GIT2: variants seen among roughly 807,000 people sequenced by gnomAD.
GIT2 encodes GIT ArfGAP 2, also known as ARF GTPase-activating protein GIT2.
A neutral mutation model predicts 100.3 loss-of-function variants in GIT2; 32 were observed. That is an observed-to-expected ratio of 0.32 (90% CI 0.24 to 0.43). The LOEUF is 0.43. GIT2 is among the 20% of genes least tolerant of loss of function. The pLI, the probability that GIT2 is intolerant of heterozygous loss-of-function variation, is 1.00. For missense variants in GIT2, 737 were observed against 975.1 expected, an observed-to-expected ratio of 0.76 and a Z score of 3.25; for synonymous variants, 353 against 364.1, an observed-to-expected ratio of 0.97 and a Z score of 0.35.
Position 109,934,073 on chromosome 12 carries a change from G to A in GIT2, c.2016C>T (p.Cys672=). 1 of 1,562,100 alleles carries A rather than the reference G, an allele frequency of 6.4e-7. No homozygotes were observed. Among genetic ancestry groups the A allele is most frequent in the Non-Finnish European group, 8.8e-7 (1 of 1,132,618 alleles). The change falls in exon 19 of 20, where the codon TGC becomes TGT. Residue 672 remains cysteine (C), a synonymous_variant. Transcript: ENST00000355312. The surrounding 1 kb of genome is among the most constrained non-coding windows in gnomAD (Gnocchi z 4.5). ...TAACAGCTACGTGTATCCTCTCTGA[G>A]CAGGGAATATAACTGCAAGAATATT... is the stretch of plus-strand genomic sequence containing the variant. ...QENKHDSYIP[C]SERIHVAVTE...
At chr12:109,955,658 G>A (rs796666231) in intron 12 of GIT2, among the ~76,000 whole-genome samples, 1 of 152,140 alleles carries the variant, frequency 6.6e-6, no homozygotes, top group Non-Finnish European at 1.5e-5. Context: ...GCACATCACA[G>A]CCTTCTTGCA....
intron 1 of GIT2, chr12:109,995,958 G>C: frequency 4.3e-6 from 2 of 469,134 alleles, no homozygotes; most frequent in East Asian, 3.6e-5. Context: ...GGGAGGGAAC[G>C]AGAGGGAAGG....
chr12:109,996,427 G>A (rs987051028), upstream of GIT2: 3 of 525,042 alleles, frequency 5.7e-6, no homozygotes, highest in Non-Finnish European at 3.4e-6. Flanking sequence ...ACCGGAAAGG[G>A]CACTCTGCCT....
At chr12:109,963,762 C>T (rs534946811) in intron 9 of GIT2, among the ~76,000 whole-genome samples, 63 of 152,248 alleles carry the variant, frequency 4.1e-4, no homozygotes, top group African/African-American at 1.5e-3. Context: ...ACTGACCTGG[C>T]GCTGATAAGA....
At chr12:109,941,144 C>T (rs1475057192) in intron 16 of GIT2, among the ~76,000 whole-genome samples, 1 of 152,152 alleles carries the variant, frequency 6.6e-6, no homozygotes, top group Non-Finnish European at 1.5e-5. Context: ...GTTTAGTTCC[C>T]AGCTGCTCAA....
chr12:109,934,589 C>A lies in GIT2; in HGVS notation c.2004-504G>T, dbSNP rs1407275498. 6.6e-6 allele frequency among the ~76,000 whole-genome samples: 1 copy of A among 152,136 alleles called. No homozygotes were observed. Among genetic ancestry groups the A allele is most frequent in the Admixed American group, 6.5e-5 (1 of 15,270 alleles). ...TGTAGAGGAGTCCCACTATGTCGCC[C>A]AGCCTTGTGTTGAACTCCTGGATTC... On this transcript the variant is annotated intron_variant, in intron 18 of 19. Transcript: ENST00000355312. This position sits in a 1 kb window ranked among gnomAD's most constrained non-coding sequence, Gnocchi z 4.5.
At chr12:109,939,545 A>AT (rs1386724742) in intron 16 of GIT2, 1 of 234,556 alleles carries the variant, frequency 4.3e-6, no homozygotes, top group Non-Finnish European at 8.5e-6. Context: ...AATTTATAAC[A>AT]TAATGAGATG....
At chr12:109,964,675 A>G (rs896125706) in intron 9 of GIT2, among the ~76,000 whole-genome samples, 1 of 146,798 alleles carries the variant, frequency 6.8e-6, no homozygotes, top group Non-Finnish European at 1.5e-5. Flanking sequence ...ACACACACAC[A>G]CGGAACCAGA....
At chr12:109,972,183 T>A (rs1884052798) in intron 7 of GIT2, among the ~76,000 whole-genome samples, 1 of 152,188 alleles carries the variant, frequency 6.6e-6, no homozygotes, top group African/African-American at 2.4e-5. Context: ...GCCTTTTATT[T>A]ATTTTTCTTG....
At chr12:109,943,712 G>A (rs1313212467) in intron 16 of GIT2, among the ~76,000 whole-genome samples, 1 of 148,798 alleles carries the variant, frequency 6.7e-6, no homozygotes, top group Non-Finnish European at 1.5e-5. Flanking sequence ...TTTGAGACAG[G>A]GCCTCACTGT....
intron 7 of GIT2, among the ~76,000 whole-genome samples, chr12:109,972,851 C>T (rs1884226567): frequency 6.6e-6 from 1 of 152,080 alleles, no homozygotes; most frequent in Non-Finnish European, 1.5e-5. Flanking sequence ...GAGACAGGGT[C>T]TCACTCTGTC....
At chr12:109,970,779 G>A (rs1039828678) in intron 7 of GIT2, among the ~76,000 whole-genome samples, 1 of 152,050 alleles carries the variant, frequency 6.6e-6, no homozygotes, top group South Asian at 2.1e-4. Context: ...CCTTCCATTT[G>A]AATTTTTAAA....
chr12:109,960,361 C>G (rs190447681), intron 11 of GIT2, among the ~76,000 whole-genome samples: 1 of 152,148 alleles, frequency 6.6e-6, no homozygotes, highest in African/African-American at 2.4e-5. Context: ...CAGTGGCTCA[C>G]GCCTGTAATC....
At chr12:109,936,799 G>A (rs1297252169) in intron 18 of GIT2, among the ~76,000 whole-genome samples, 2 of 151,928 alleles carry the variant, frequency 1.3e-5, no homozygotes, top group Non-Finnish European at 2.9e-5. Context: ...GAGCCAAGGA[G>A]GCGGAAGTTG....
In GIT2 at chr12:109,991,608, G is replaced by C. The variant is rs1190396120; in HGVS notation, c.186+19C>G. 2 of 1,598,826 alleles carry C rather than the reference G, an allele frequency of 1.3e-6. No individual in the cohort carries two copies. The highest frequency in any genetic ancestry group is 1.7e-6 in the Non-Finnish European group (2 of 1,168,692). Reference sequence around the variant, plus strand: ...TAAAATGTAAATTACCAACTGTCAGGAGAATTCTTATCCTTTACCTGAAGC... The same window carrying C: ...TAAAATGTAAATTACCAACTGTCAGCAGAATTCTTATCCTTTACCTGAAGC... On this transcript the variant is annotated intron_variant, in intron 2 of 19. Transcript: ENST00000355312.
At chr12:109,953,434 C>T (rs1878473734) in intron 12 of GIT2, 200 bp from the exon 13 acceptor site, 4 of 556,196 alleles carry the variant, frequency 7.2e-6, no homozygotes, top group South Asian at 2.2e-5. Flanking sequence ...ACCTAGGCAA[C>T]ACAATGAGAC....
intron 13 of GIT2, 115 bp from the exon 14 acceptor site, chr12:109,951,431 C>A: frequency 1.3e-6 from 1 of 770,246 alleles, no homozygotes; most frequent in Non-Finnish European, 2.2e-6. Context: ...TTAGTCAAAC[C>A]AAATCAAGGC....
chr12:109,939,727 A>AAATAAATAAATC (rs1191311766), intron 16 of GIT2: 1 of 145,056 alleles, frequency 6.9e-6, no homozygotes, highest in East Asian at 2.0e-4. Flanking sequence ...ATAAATAAAT[A>AAATAAATAAATC]AATCAGCCAG....
chr12:109,948,421 GCTC>G lies in GIT2; in HGVS notation c.1393-920_1393-918del. On this transcript the variant is annotated intron_variant, in intron 14 of 19. Coordinates refer to ENST00000355312, the MANE Select transcript of GIT2 (RefSeq NM_057169.5). This position sits in a 1 kb window ranked among gnomAD's most constrained non-coding sequence, Gnocchi z 4.3. ...AGACTGTCACTTGGAGGCCCTGAATGCTCCTTCCATTCCTCACATGCAGGCTGC... is the reference window on the plus strand; with the variant it reads ...AGACTGTCACTTGGAGGCCCTGAATGCTTCCATTCCTCACATGCAGGCTGC... 1 of 1,009,512 alleles carries G rather than the reference GCTC, an allele frequency of 9.9e-7. No homozygotes were observed. The highest frequency in any genetic ancestry group is 1.2e-6 in the Non-Finnish European group (1 of 846,078). 62.5% of individuals were successfully genotyped at this position (1,009,512 alleles called of 1,614,324 possible).
Sources: gnomAD v4.1 joint callset for allele counts (sites outside exome capture counted in the v4.1 genomes callset) on GRCh38, gnomAD v4.1.1 for gene constraint, Gnocchi (gnomAD v3.1) non-coding constraint, MANE v1.5 for transcripts, NCBI Gene and HGNC (gene_info 2026-07-23, HGNC 2026-07-21) for gene names.